Variants in UBL3 observed in about 807,000 individuals in gnomAD.
UBL3 encodes ubiquitin like 3, also known as ubiquitin-like protein 3.
Under a neutral mutation model 18.4 loss-of-function variants are expected in UBL3, and 6 were observed. The observed-to-expected ratio is 0.33, with a 90% CI of 0.18 to 0.64. The LOEUF is 0.64. Ranked by LOEUF, UBL3 falls within the 30% of genes least tolerant of loss-of-function variation. The pLI is 0.76. For missense variants in UBL3, 109 were observed against 142.9 expected, an observed-to-expected ratio of 0.76 and a Z score of 1.21; for synonymous variants, 49 against 46.6, an observed-to-expected ratio of 1.05 and a Z score of -0.21.
chr13:29,831,682 G>C (rs1878776984), intron 1 of UBL3, among the ~76,000 whole-genome samples: 1 of 149,720 alleles, frequency 6.7e-6, no homozygotes, highest in East Asian at 1.9e-4. Flanking sequence ...TTAAAAGAAA[G>C]GCTGATGACA....
intron 3 of UBL3, among the ~76,000 whole-genome samples, chr13:29,771,848 G>A (rs918182202): frequency 2.0e-5 from 3 of 151,846 alleles, no homozygotes; most frequent in Non-Finnish European, 2.9e-5. Flanking sequence ...ATATAATAAC[G>A]TTACATTTAA....
intron 1 of UBL3, among the ~76,000 whole-genome samples, chr13:29,808,382 C>T (rs1221713329): frequency 6.6e-6 from 1 of 152,106 alleles, no homozygotes; most frequent in African/African-American, 2.4e-5. Flanking sequence ...CTCCCCCCAC[C>T]TCACACATAT....
chr13:29,818,995 T>C (rs1044189211), intron 1 of UBL3, among the ~76,000 whole-genome samples: 6 of 152,184 alleles, frequency 3.9e-5, no homozygotes, highest in Non-Finnish European at 2.9e-5. Context: ...AAATAATCAC[T>C]ATATATTACA....
At chr13:29,815,316 T>C (rs1443316031) in intron 1 of UBL3, among the ~76,000 whole-genome samples, 1 of 151,938 alleles carries the variant, frequency 6.6e-6, no homozygotes, top group Non-Finnish European at 1.5e-5. Flanking sequence ...GGGAGAAATA[T>C]CTCATATAAT....
chr13:29,780,370 ATAT>A (rs1565990135), intron 1 of UBL3, among the ~76,000 whole-genome samples: 9 of 95,438 alleles, frequency 9.4e-5, no homozygotes, highest in African/African-American at 3.2e-4. Flanking sequence ...AAAAAAAAAT[ATAT>A]ATATATATAT....
chr13:29,831,025 A>AT (rs913266963), intron 1 of UBL3, among the ~76,000 whole-genome samples: 87 of 148,532 alleles, frequency 5.9e-4, no homozygotes, highest in African/African-American at 1.7e-3. Flanking sequence ...ACAATCCAGC[A>AT]TTTTTTTTTT....
intron 1 of UBL3, among the ~76,000 whole-genome samples, chr13:29,791,584 T>C (rs1877480084): frequency 6.6e-6 from 1 of 152,202 alleles, no homozygotes; most frequent in East Asian, 1.9e-4. Flanking sequence ...CAGAATGACT[T>C]TCTGATTGTT....
chr13:29,810,551 T>C (rs1281530929), intron 1 of UBL3, among the ~76,000 whole-genome samples: 2 of 152,114 alleles, frequency 1.3e-5, no homozygotes, highest in African/African-American at 2.4e-5. Flanking sequence ...AGAGGCCAAG[T>C]AAGATGAAGA....
At chr13:29,790,720 T>C (rs1389966216) in intron 1 of UBL3, among the ~76,000 whole-genome samples, 1 of 151,942 alleles carries the variant, frequency 6.6e-6, no homozygotes, top group African/African-American at 2.4e-5. Flanking sequence ...CAGAACCAAT[T>C]TTCTTTCCCA....
chr13:29,813,923 T>C (rs1032467544), intron 1 of UBL3, among the ~76,000 whole-genome samples: 3 of 152,104 alleles, frequency 2.0e-5, no homozygotes, highest in African/African-American at 7.2e-5. Flanking sequence ...GAAATAAAAT[T>C]AAAATCCTCA....
chr13:29,825,065 T>C (rs1878581270), intron 1 of UBL3, among the ~76,000 whole-genome samples: 1 of 152,238 alleles, frequency 6.6e-6, no homozygotes, highest in Non-Finnish European at 1.5e-5. Context: ...CATTGGTCTA[T>C]ATCTCTGTTT....
At chr13:29,821,975 A>G (rs1878465677) in intron 1 of UBL3, among the ~76,000 whole-genome samples, 1 of 152,190 alleles carries the variant, frequency 6.6e-6, no homozygotes, top group African/African-American at 2.4e-5. Flanking sequence ...AGATCCAGAA[A>G]CTTGCTCTCA....
chr13:29,768,466 C>T (rs1876748760), intron 3 of UBL3, among the ~76,000 whole-genome samples: 1 of 152,016 alleles, frequency 6.6e-6, no homozygotes, highest in African/African-American at 2.4e-5. Context: ...TGTTTTAGTT[C>T]TGACACCTCA....
intron 1 of UBL3, among the ~76,000 whole-genome samples, chr13:29,802,535 G>C (rs1877798641): frequency 6.6e-6 from 1 of 152,208 alleles, no homozygotes; most frequent in South Asian, 2.1e-4. Context: ...TCAGGAGAAA[G>C]ATGAAACCTA....
At chr13:29,832,920 G>A (rs1878819049) in intron 1 of UBL3, among the ~76,000 whole-genome samples, 1 of 152,202 alleles carries the variant, frequency 6.6e-6, no homozygotes, top group Admixed American at 6.5e-5. Flanking sequence ...TGCAAATGGA[G>A]CAAGATAAAG....
intron 1 of UBL3, among the ~76,000 whole-genome samples, chr13:29,833,270 C>T (rs1233481354): frequency 1.3e-5 from 2 of 152,134 alleles, no homozygotes; most frequent in Non-Finnish European, 2.9e-5. Flanking sequence ...AATAAAAAGA[C>T]GTCTGGATGG....
At position 29,776,849 on chromosome 13, in the gene UBL3, G is replaced by A. The variant is rs945310922; in HGVS notation, c.136+306C>T. On this transcript the variant is annotated intron_variant, in intron 2 of 4. Transcript: ENST00000380680. ...TCACGCCACTGCACTCCAGCCTGGC[G>A]ACATAGCGAGACTCCATCTCAAAAA... Among the ~76,000 whole-genome samples the A allele has an allele frequency of 8.9e-5, 10 of 112,254 alleles. No homozygotes were observed. The Admixed American group carries it at 1.3e-3, about 15-fold the overall frequency. 73.6% of individuals were successfully genotyped at this position (112,254 alleles called of 152,430 possible).
At position 29,765,264 on chromosome 13, in the gene UBL3, TAG is replaced by T. The variant is rs1472853256; in HGVS notation, c.*1989_*1990del. 3.3e-5 allele frequency: 5 copies of T among 152,176 alleles called. No individual in the cohort carries two copies. The highest frequency in any genetic ancestry group is 1.2e-4 in the African/African-American group (5 of 41,460). The allele number at this position is 152,176 out of a possible 1,614,324, so 9.4% of individuals were successfully genotyped here. A position where few individuals can be genotyped will look rare whatever the true frequency, so the allele number is the denominator to read the frequency against. On this transcript the variant is annotated 3_prime_UTR_variant, in exon 5 of 5. Coordinates refer to ENST00000380680, the MANE Select transcript of UBL3 (RefSeq NM_007106.4). ...ATTACCAGTAGTTTGTTTTACAAAA[TAG>T]AGCCATAAATTGTTTAATTGCCCAA...
At chr13:29,820,171 T>C (rs1485035347) in intron 1 of UBL3, among the ~76,000 whole-genome samples, 2 of 30,744 alleles carry the variant, frequency 6.5e-5, no homozygotes, top group Admixed American at 3.2e-4. Flanking sequence ...CAGAGTTCCT[T>C]TTTTTTTTTT....
Sources: allele counts gnomAD v4.1 joint callset (sites outside exome capture counted in the v4.1 genomes callset), GRCh38; gene constraint gnomAD v4.1.1; transcripts MANE v1.5; gene names NCBI Gene and HGNC (gene_info 2026-07-23, HGNC 2026-07-21).